ATP10A: variants seen among roughly 807,000 people sequenced by gnomAD.
ATP10A encodes ATPase phospholipid transporting 10A (putative).
A neutral mutation model predicts 147.8 loss-of-function variants in ATP10A; 111 were observed. The ratio of observed to expected loss-of-function variants is 0.75; its 90% CI spans 0.64 to 0.88. The LOEUF (loss-of-function observed/expected upper bound fraction) is 0.88, where lower values mean the gene tolerates loss of function less well. Among genes scored for constraint, ATP10A ranks in the 40% least tolerant of loss-of-function variants. The probability of loss-of-function intolerance (pLI) is 0.00; values close to 1 mark genes in which losing one functional copy is unlikely to be tolerated. For synonymous variants in ATP10A, 875 were observed against 841.6 expected, an observed-to-expected ratio of 1.04 and a Z score of -0.69; for missense variants, 1,927 against 1,959.0, an observed-to-expected ratio of 0.98 and a Z score of 0.31.
chr15:25,674,869 C>A (rs1020130020), downstream of ATP10A, among the ~76,000 whole-genome samples: 3 of 152,234 alleles, frequency 2.0e-5, no homozygotes, highest in African/African-American at 7.2e-5. Context: ...GGCCTGGGGC[C>A]TCCCCAGTCT....
intron 1 of ATP10A, among the ~76,000 whole-genome samples, chr15:25,808,961 G>A (rs1596930886): frequency 6.6e-6 from 1 of 152,162 alleles, no homozygotes; most frequent in Non-Finnish European, 1.5e-5. Context: ...GGGAGGGTGT[G>A]ATGCTCTCAC....
intron 4 of ATP10A, among the ~76,000 whole-genome samples, chr15:25,726,308 C>T (rs11161211): frequency 0.066 from 10,089 of 151,990 alleles, 758 homozygotes; most frequent in East Asian, 0.24. Flanking sequence ...CTGTGGAGAA[C>T]GAAATGGAAA....
At chr15:25,799,712 G>A (rs550528195) in intron 1 of ATP10A, among the ~76,000 whole-genome samples, 13 of 152,206 alleles carry the variant, frequency 8.5e-5, no homozygotes, top group African/African-American at 3.1e-4. Flanking sequence ...CAGCCTAAGT[G>A]ACAGAGCAGG....
intron 1 of ATP10A, among the ~76,000 whole-genome samples, chr15:25,844,137 C>A (rs1272405887): frequency 1.3e-5 from 2 of 152,156 alleles, no homozygotes; most frequent in Non-Finnish European, 1.5e-5. Context: ...TTAAAACATA[C>A]CTCTGTCATA....
At chr15:25,709,783 C>T (rs1002068281) in intron 10 of ATP10A, 7 of 152,430 alleles carry the variant, frequency 4.6e-5, no homozygotes, top group African/African-American at 1.7e-4. Flanking sequence ...GAGATCTGCC[C>T]CTCGTTCTTG....
intron 16 of ATP10A, among the ~76,000 whole-genome samples, chr15:25,686,068 C>T (rs1899697342): frequency 6.6e-6 from 1 of 152,074 alleles, no homozygotes; most frequent in South Asian, 2.1e-4. Flanking sequence ...TGTGACACAG[C>T]CTTCCTCAGA....
intron 2 of ATP10A, among the ~76,000 whole-genome samples, chr15:25,763,642 C>A (rs893135914): frequency 2.0e-5 from 3 of 152,332 alleles, no homozygotes; most frequent in East Asian, 1.9e-4. Flanking sequence ...CAGGACACAG[C>A]AAGACACTGA....
chr15:25,732,940 T>C (rs969088607), intron 3 of ATP10A, among the ~76,000 whole-genome samples: 3 of 152,090 alleles, frequency 2.0e-5, no homozygotes, highest in Admixed American at 6.6e-5. Flanking sequence ...AGGCAGTCGA[T>C]GATACCTCCA....
intron 1 of ATP10A, among the ~76,000 whole-genome samples, chr15:25,838,288 A>G (rs576404160): frequency 3.3e-5 from 5 of 152,184 alleles, no homozygotes; most frequent in Admixed American, 6.5e-5. Flanking sequence ...ACTTTGGAAT[A>G]TACTGCCCAT....
At chr15:25,755,277 C>T (rs1888356334) in intron 2 of ATP10A, among the ~76,000 whole-genome samples, 1 of 152,102 alleles carries the variant, frequency 6.6e-6, no homozygotes, top group African/African-American at 2.4e-5. Context: ...AACATATGAC[C>T]TCTGGATACC....
In ATP10A at chr15:25,727,060, A is replaced by AAC. The variant is rs1555460717; in HGVS notation, c.847+99_847+100insGT. The AAC allele has an allele frequency of 1.1e-5, 12 of 1,044,984 alleles. No individual in the cohort carries two copies. In the African/African-American group the frequency reaches 2.0e-4, roughly 17 times the overall value. 64.7% of individuals were successfully genotyped at this position (1,044,984 alleles called of 1,614,324 possible). A position where few individuals can be genotyped will look rare whatever the true frequency, so the allele number is the denominator to read the frequency against. ...CGACAGTGCGAGACTCGTCTCAAAAAAAAAAAATGAAAAAGAAAAAAGAAA... is the reference window on the plus strand; with the variant it reads ...CGACAGTGCGAGACTCGTCTCAAAAAACAAAAAAATGAAAAAGAAAAAAGAAA... On this transcript the variant is annotated intron_variant, in intron 4 of 20. Coordinates refer to ENST00000555815, the MANE Select transcript of ATP10A (RefSeq NM_024490.4).
At chr15:25,697,442 A>G (rs907880029) in intron 13 of ATP10A, among the ~76,000 whole-genome samples, 7 of 152,246 alleles carry the variant, frequency 4.6e-5, no homozygotes, top group African/African-American at 1.7e-4. Flanking sequence ...TCTGTGGAAA[A>G]AGACAATCCA....
chr15:25,865,057 T>C (rs1427834964), upstream of ATP10A: 1 of 152,262 alleles, frequency 6.6e-6, no homozygotes, highest in Non-Finnish European at 1.5e-5. Context: ...CAAAGCCAAA[T>C]GCTGATTCCT....
At position 25,730,136 on chromosome 15, in the gene ATP10A, C is replaced by CAAAAA. The variant is rs765379278; in HGVS notation, c.741-2875_741-2871dup. Reference sequence around the variant, plus strand: ...CGAAACCCCGTCTCTACTAAAAATACAAAAAAAAAAAAAAAATAGCCAGGC... The same window carrying CAAAAA: ...CGAAACCCCGTCTCTACTAAAAATACAAAAAAAAAAAAAAAAAAAAATAGCCAGGC... On this transcript the variant is annotated intron_variant, in intron 3 of 20. Transcript: ENST00000555815. Among the ~76,000 whole-genome samples the CAAAAA allele has an allele frequency of 2.1e-3, 211 of 100,770 alleles. 1 individual carries two copies. The highest frequency in any genetic ancestry group is 7.1e-3 in the African/African-American group (201 of 28,146). The allele number at this position is 100,770 out of a possible 152,430, so 66.1% of individuals were successfully genotyped here. A position where few individuals can be genotyped will look rare whatever the true frequency, so the allele number is the denominator to read the frequency against.
intron 2 of ATP10A, among the ~76,000 whole-genome samples, chr15:25,759,229 T>TTATATATAACAA (rs1201387660): frequency 1.3e-5 from 2 of 152,152 alleles, no homozygotes; most frequent in East Asian, 3.9e-4. Context: ...CACCAAAACT[T>TTATATATAACAA]TATATATAAC....
intron 17 of ATP10A, among the ~76,000 whole-genome samples, chr15:25,682,293 A>C (rs1467784072): frequency 3.3e-5 from 5 of 152,080 alleles, no homozygotes; most frequent in African/African-American, 1.2e-4. Context: ...CCAATGTTAA[A>C]AGCAAACAGC....
At chr15:25,730,231 G>T (rs1485933876) in intron 3 of ATP10A, among the ~76,000 whole-genome samples, 1 of 151,730 alleles carries the variant, frequency 6.6e-6, no homozygotes, top group African/African-American at 2.4e-5. Flanking sequence ...GAACCCAGGA[G>T]GTGGAGGTTG....
At chr15:25,687,609 C>G in intron 16 of ATP10A, 94 bp downstream of exon 16, 1 of 803,316 alleles carries the variant, frequency 1.2e-6, no homozygotes, top group Non-Finnish European at 1.5e-6. Flanking sequence ...CCATGGCCTC[C>G]CATCTGCTCC....
chr15:25,717,583 C>T (rs1450455357), intron 8 of ATP10A, among the ~76,000 whole-genome samples: 2 of 152,188 alleles, frequency 1.3e-5, no homozygotes, highest in South Asian at 2.1e-4. Flanking sequence ...GTCCAAAACT[C>T]GAAATCAGCC....
Sources: gnomAD v4.1 joint callset for allele counts (sites outside exome capture counted in the v4.1 genomes callset) on GRCh38, gnomAD v4.1.1 for gene constraint, MANE v1.5 for transcripts, NCBI Gene and HGNC (gene_info 2026-07-23, HGNC 2026-07-21) for gene names.